CFAP77: variants seen among roughly 807,000 people sequenced by gnomAD.
CFAP77 encodes cilia- and flagella-associated protein 77.
A neutral mutation model predicts 31.1 loss-of-function variants in CFAP77; 25 were observed. The ratio of observed to expected loss-of-function variants is 0.80; its 90% CI spans 0.59 to 1.12. The LOEUF is 1.12. Among genes scored for constraint, CFAP77 ranks in the 50% most tolerant of loss-of-function variants. CFAP77 has a pLI of 0.00. For synonymous variants in CFAP77, 151 were observed against 159.9 expected, an observed-to-expected ratio of 0.94 and a Z score of 0.42; for missense variants, 377 against 397.3, an observed-to-expected ratio of 0.95 and a Z score of 0.44.
intron 1 of CFAP77, among the ~76,000 whole-genome samples, chr9:132,461,413 C>T (rs894568707): frequency 6.6e-6 from 1 of 152,226 alleles, no homozygotes; most frequent in African/African-American, 2.4e-5. Context: ...TACAATTTGG[C>T]TAATGCCTTA....
chr9:132,524,544 C>T (rs913880122), intron 3 of CFAP77, among the ~76,000 whole-genome samples: 20 of 151,434 alleles, frequency 1.3e-4, no homozygotes, highest in African/African-American at 4.9e-4. Flanking sequence ...ACCTGGGAGG[C>T]GGAGGTTTCA....
At chr9:132,474,647 G>A (rs1021943198) in intron 1 of CFAP77, among the ~76,000 whole-genome samples, 2 of 152,148 alleles carry the variant, frequency 1.3e-5, no homozygotes, top group Non-Finnish European at 2.9e-5. Flanking sequence ...GGGTGGCGGC[G>A]GTAGAGAATG....
intron 4 of CFAP77, among the ~76,000 whole-genome samples, chr9:132,542,498 ACTC>A (rs1852661893): frequency 6.6e-6 from 1 of 151,854 alleles, no homozygotes; most frequent in African/African-American, 2.4e-5. Context: ...AGAAGCTCTC[ACTC>A]CTCCTGCACG....
At chr9:132,482,260 G>T in intron 1 of CFAP77, 1 of 1,323,526 alleles carries the variant, frequency 7.6e-7, no homozygotes, top group South Asian at 1.3e-5. Context: ...TGTGACCCTT[G>T]ACAGCTAAAC....
intron 3 of CFAP77, chr9:132,513,233 C>T (rs1052121547): frequency 6.5e-7 from 1 of 1,537,350 alleles, no homozygotes; most frequent in Non-Finnish European, 8.8e-7. Flanking sequence ...AACATTTTAA[C>T]CAATCCTTTC....
chr9:132,548,998 G>A (rs1443869854), intron 5 of CFAP77, among the ~76,000 whole-genome samples: 1 of 152,160 alleles, frequency 6.6e-6, no homozygotes, highest in Admixed American at 6.5e-5. Context: ...TAGAACAGGA[G>A]ATGGAGGGAA....
intron 1 of CFAP77, among the ~76,000 whole-genome samples, chr9:132,426,413 A>T (rs1279985646): frequency 6.6e-6 from 1 of 152,162 alleles, no homozygotes; most frequent in Non-Finnish European, 1.5e-5. Context: ...CTGCAACCCA[A>T]GTTGGGGGGA....
In CFAP77 at chr9:132,455,272, C is replaced by T. The variant is rs1405746526; in HGVS notation, c.196-43423C>T. Among the ~76,000 whole-genome samples, 3 of 152,042 alleles carry T rather than the reference C, an allele frequency of 2.0e-5. No homozygotes were observed. Among genetic ancestry groups the T allele is most frequent in the South Asian group, 2.1e-4 (1 of 4,824 alleles). ...CTGTAATCCCAGCACTTTGGGAGGC[C>T]GAGGCGGGTGGATCACCTGAGGTCA... On this transcript the variant is annotated intron_variant, in intron 1 of 5. Coordinates refer to ENST00000393216, the MANE Select transcript of CFAP77 (RefSeq NM_001282957.2). This position sits in a 1 kb window ranked among gnomAD's most constrained non-coding sequence, Gnocchi z 4.1.
intron 1 of CFAP77, among the ~76,000 whole-genome samples, chr9:132,431,651 A>G (rs1443799488): frequency 1.3e-5 from 2 of 152,206 alleles, no homozygotes. Flanking sequence ...CTGAATATAT[A>G]CCAATAAAAG....
At chr9:132,422,953 T>C (rs1850247842) in intron 1 of CFAP77, among the ~76,000 whole-genome samples, 1 of 152,162 alleles carries the variant, frequency 6.6e-6, no homozygotes, top group South Asian at 2.1e-4. Context: ...GTGACTACGA[T>C]TTGTTTACTT....
At chr9:132,436,599 T>A (rs2131697143) in intron 1 of CFAP77, among the ~76,000 whole-genome samples, 1 of 152,278 alleles carries the variant, frequency 6.6e-6, no homozygotes, top group East Asian at 1.9e-4. Flanking sequence ...CATGAAGATA[T>A]ATGCAGAGTG....
At chr9:132,482,960 T>TTA (rs113760779) in intron 1 of CFAP77, among the ~76,000 whole-genome samples, 63 of 141,084 alleles carry the variant, frequency 4.5e-4, no homozygotes, top group African/African-American at 1.6e-3. Flanking sequence ...AATAATAATT[T>TTA]AAAAAAAAAA....
intron 3 of CFAP77, among the ~76,000 whole-genome samples, chr9:132,503,885 C>G (rs1851892977): frequency 6.6e-6 from 1 of 152,090 alleles, no homozygotes; most frequent in African/African-American, 2.4e-5. Flanking sequence ...CTCGTCTCCA[C>G]TAAAAATACA....
intron 1 of CFAP77, among the ~76,000 whole-genome samples, chr9:132,479,905 C>T (rs527238977): frequency 3.3e-5 from 5 of 152,230 alleles, no homozygotes; most frequent in East Asian, 1.9e-4. Context: ...CAAAGTGACG[C>T]GGCTATCAAG....
rs62578579 is a variant in CFAP77, at chr9:132,517,095, C to T, written c.524+17495C>T. On this transcript the variant is annotated intron_variant, in intron 3 of 5. Transcript: ENST00000393216. The surrounding 1 kb of genome is among the most constrained non-coding windows in gnomAD (Gnocchi z 4.7). ...GGAGAGGGTGGATCTCCCTAGACGGCTCCACTTCTGGGTGTCCCTCATGGA... is the reference window on the plus strand; with the variant it reads ...GGAGAGGGTGGATCTCCCTAGACGGTTCCACTTCTGGGTGTCCCTCATGGA... Among the ~76,000 whole-genome samples the T allele has an allele frequency of 1.6e-4, 24 of 152,080 alleles. No homozygotes were observed. Among genetic ancestry groups the T allele is most frequent in the Admixed American group, 5.2e-4 (8 of 15,280 alleles).
At chr9:132,570,859 C>A (rs1829949381) in intron 5 of CFAP77, among the ~76,000 whole-genome samples, 1 of 152,130 alleles carries the variant, frequency 6.6e-6, no homozygotes, top group Admixed American at 6.5e-5. Flanking sequence ...CTTAAGAGTC[C>A]AGAGGTTGGG....
intron 1 of CFAP77, among the ~76,000 whole-genome samples, chr9:132,416,470 A>C (rs1431400953): frequency 6.7e-6 from 1 of 148,548 alleles, no homozygotes; most frequent in Non-Finnish European, 1.5e-5. Context: ...CCTCCCTAGT[A>C]GCTGGGATTA....
chr9:132,434,638 G>A (rs1052206798), intron 1 of CFAP77, among the ~76,000 whole-genome samples: 2 of 152,092 alleles, frequency 1.3e-5, no homozygotes, highest in Non-Finnish European at 2.9e-5. Flanking sequence ...TGGTTTCACC[G>A]AGAAGCAAAA....
intron 1 of CFAP77, among the ~76,000 whole-genome samples, chr9:132,453,482 C>T (rs144749397): frequency 6.6e-6 from 1 of 152,184 alleles, no homozygotes; most frequent in African/African-American, 2.4e-5. Context: ...GCTGAGATCA[C>T]GCCATTGCAC....
Sources: gnomAD v4.1 joint callset for allele counts (sites outside exome capture counted in the v4.1 genomes callset) on GRCh38, gnomAD v4.1.1 for gene constraint, Gnocchi (gnomAD v3.1) non-coding constraint, MANE v1.5 for transcripts, NCBI Gene and HGNC (gene_info 2026-07-23, HGNC 2026-07-21) for gene names.